Variants in RYR3 observed in about 807,000 individuals in gnomAD.
The protein encoded by RYR3 is ryanodine receptor 3, also known as brain ryanodine receptor-calcium release channel.
RYR3 carries 207 observed loss-of-function variants against 584.3 expected under a neutral mutation model. That is an observed-to-expected ratio of 0.35 (90% CI 0.32 to 0.40). The LOEUF is 0.40. Ranked by LOEUF, RYR3 falls within the 10% of genes least tolerant of loss-of-function variation. The pLI, the probability that RYR3 is intolerant of heterozygous loss-of-function variation, is 1.00. For synonymous variants in RYR3, 2,416 were observed against 2,248.5 expected (o/e 1.07, Z -2.11); for missense variants, 5,616 against 6,089.2 (o/e 0.92, Z 2.59).
rs959150866 is a variant in RYR3, at chr15:33,670,284, T to C, written c.5723-135T>C. 9 of 858,658 alleles carry C rather than the reference T, an allele frequency of 1.0e-5. No homozygotes were observed. In the Admixed American group the frequency reaches 1.4e-4, roughly 13 times the overall value. 53.2% of individuals were successfully genotyped at this position (858,658 alleles called of 1,614,324 possible). A position where few individuals can be genotyped will look rare whatever the true frequency, so the allele number is the denominator to read the frequency against. On this transcript the variant is annotated intron_variant, in intron 37 of 103. Coordinates refer to ENST00000634891, the MANE Select transcript of RYR3 (RefSeq NM_001036.6). ...TAAGATAGGTAACTATTCACGAGAATAGTATCTTTAGAAAGCCTGTAGTAT... is the reference window on the plus strand; with the variant it reads ...TAAGATAGGTAACTATTCACGAGAACAGTATCTTTAGAAAGCCTGTAGTAT...
chr15:33,516,894 A>C (rs747040475), intron 3 of RYR3, among the ~76,000 whole-genome samples: 8 of 152,164 alleles, frequency 5.3e-5, no homozygotes, highest in Admixed American at 3.3e-4. Flanking sequence ...TTAAAAAAAA[A>C]ATAAGGAACC....
In RYR3 at chr15:33,865,910, A is replaced by AGTAACAGCTGTCAGTCAACTGCTGTT. The variant is rs1439262196; in HGVS notation, c.*685_*710dup. 1 of 152,466 alleles carries AGTAACAGCTGTCAGTCAACTGCTGTT rather than the reference A, an allele frequency of 6.6e-6. No individual in the cohort carries two copies. The highest frequency in any genetic ancestry group is 2.4e-5 in the African/African-American group (1 of 41,436). The allele number at this position is 152,466 out of a possible 1,614,324, so 9.4% of individuals were successfully genotyped here. On this transcript the variant is annotated 3_prime_UTR_variant, in exon 104 of 104. Coordinates refer to ENST00000634891, the MANE Select transcript of RYR3 (RefSeq NM_001036.6). The stretch of plus-strand genomic sequence containing the variant: ...GAAGGTTATTCATACAAGTTTTTTT[A>AGTAACAGCTGTCAGTCAACTGCTGTT]GTAACAGCTGTCAGTCAACTGCTGT...
intron 1 of RYR3, among the ~76,000 whole-genome samples, chr15:33,319,378 G>A (rs544895452): frequency 5.3e-5 from 8 of 152,294 alleles, no homozygotes; most frequent in African/African-American, 1.7e-4. Flanking sequence ...AGTAGCATAA[G>A]CCCCTCCTAA....
chr15:33,662,031 A>T (rs1566900816), intron 34 of RYR3, 122 bp from the exon 35 acceptor site: 3 of 717,524 alleles, frequency 4.2e-6, no homozygotes, highest in Non-Finnish European at 6.9e-6. Flanking sequence ...GCCATAAGAG[A>T]AACTGTGGCA....
chr15:33,785,618 C>T (rs1308447088), intron 65 of RYR3, 44 bp from the exon 66 acceptor site: 1 of 1,464,798 alleles, frequency 6.8e-7, no homozygotes. Context: ...CTTGCACCCA[C>T]TGTGCTTTTG....
At chr15:33,699,236 G>C (rs113462613) in intron 40 of RYR3, among the ~76,000 whole-genome samples, 148 of 114,472 alleles carry the variant, frequency 1.3e-3, no homozygotes, top group African/African-American at 4.7e-3. Context: ...CTGTCTGTCT[G>C]TCTCTCTCTC....
intron 1 of RYR3, among the ~76,000 whole-genome samples, chr15:33,423,558 A>T (rs755346840): frequency 6.6e-6 from 1 of 152,156 alleles, no homozygotes; most frequent in African/African-American, 2.4e-5. Flanking sequence ...TTGAGGACCC[A>T]CCAAACTGTT....
At chr15:33,701,940 C>A (rs2066333691) in intron 42 of RYR3, among the ~76,000 whole-genome samples, 1 of 152,110 alleles carries the variant, frequency 6.6e-6, no homozygotes, top group Non-Finnish European at 1.5e-5. Context: ...GAGAATGCAG[C>A]AGAAGCAGTG....
chr15:33,763,485 C>T (rs1220044748), intron 60 of RYR3, among the ~76,000 whole-genome samples: 2 of 151,912 alleles, frequency 1.3e-5, no homozygotes, highest in South Asian at 2.1e-4. Context: ...CAAAAGAAGA[C>T]ATTTATGCGG....
chr15:33,700,813 CTGTTCTTA>C (rs2066245617), intron 41 of RYR3, among the ~76,000 whole-genome samples, 156 bp from the exon 42 acceptor site: 1 of 152,192 alleles, frequency 6.6e-6, no homozygotes, highest in African/African-American at 2.4e-5. Context: ...GCTAATAGAG[CTGTTCTTA>C]ATGCAAGCGG....
In RYR3 at chr15:33,682,521, G is replaced by A. The variant is rs140656127; in HGVS notation, c.5860+11965G>A. Among the ~76,000 whole-genome samples, 1,278 of 152,028 alleles carry A rather than the reference G, an allele frequency of 8.4e-3. 19 individuals are homozygous for A. Among genetic ancestry groups the A allele is most frequent in the African/African-American group, 0.029 (1,206 of 41,448 alleles). ...CCTTAATGTGACTACCCCTAATTAC[G>A]CTAATTGCAAAAGTGAAGTGAATTA... On this transcript the variant is annotated intron_variant, in intron 38 of 103. Transcript: ENST00000634891.
intron 67 of RYR3, among the ~76,000 whole-genome samples, chr15:33,796,579 T>C (rs2075638818): frequency 6.6e-6 from 1 of 152,254 alleles, no homozygotes; most frequent in Non-Finnish European, 1.5e-5. Flanking sequence ...GTTGTTGTTA[T>C]AAATTTAAGG....
chr15:33,750,586 AG>A (rs924790826), intron 57 of RYR3, among the ~76,000 whole-genome samples: 2 of 152,242 alleles, frequency 1.3e-5, no homozygotes, highest in African/African-American at 4.8e-5. Flanking sequence ...CTATGGGCTA[AG>A]GCCCTTTCTT....
intron 12 of RYR3, among the ~76,000 whole-genome samples, chr15:33,572,660 C>T (rs7169474): frequency 6.0e-4 from 64 of 106,274 alleles, no homozygotes; most frequent in Non-Finnish European, 9.8e-4. Flanking sequence ...ACTATATATA[C>T]ACACACACAC....
chr15:33,519,953 G>C (rs967372493), intron 3 of RYR3, among the ~76,000 whole-genome samples: 69 of 152,144 alleles, frequency 4.5e-4, no homozygotes, highest in Admixed American at 1.7e-3. Context: ...TGTGGATATA[G>C]AGAGAACAAG....
At chr15:33,660,822 C>A (rs2063119327) in intron 34 of RYR3, among the ~76,000 whole-genome samples, 1 of 152,148 alleles carries the variant, frequency 6.6e-6, no homozygotes, top group Non-Finnish European at 1.5e-5. Context: ...GGGGTTCAAT[C>A]CCATTGCTCT....
intron 85 of RYR3, among the ~76,000 whole-genome samples, chr15:33,828,771 G>T (rs1394760522): frequency 6.6e-6 from 1 of 152,244 alleles, no homozygotes; most frequent in African/African-American, 2.4e-5. Context: ...AGGTAAAGCA[G>T]CAAGTGCAGA....
chr15:33,857,696 C>T lies in RYR3; in HGVS notation c.14008-84C>T. 2 of 1,549,228 alleles carry T rather than the reference C, an allele frequency of 1.3e-6. 1 individual carries two copies. ...CTCCTTGCCCGTCCTCACTCTTCCTCCTCGTTTTCTTAGAGTCTCCTGTGA... is the reference window on the plus strand; with the variant it reads ...CTCCTTGCCCGTCCTCACTCTTCCTTCTCGTTTTCTTAGAGTCTCCTGTGA... On this transcript the variant is annotated intron_variant, in intron 98 of 103. Coordinates refer to ENST00000634891, the MANE Select transcript of RYR3 (RefSeq NM_001036.6).
chr15:33,474,979 T>A (rs1420449310), intron 2 of RYR3, among the ~76,000 whole-genome samples: 1 of 152,252 alleles, frequency 6.6e-6, no homozygotes, highest in East Asian at 1.9e-4. Flanking sequence ...TTTATCTTTT[T>A]AAAGATCTTT....
Sources: allele counts gnomAD v4.1 joint callset (sites outside exome capture counted in the v4.1 genomes callset), GRCh38; gene constraint gnomAD v4.1.1; transcripts MANE v1.5; gene names NCBI Gene and HGNC (gene_info 2026-07-23, HGNC 2026-07-21).